The following ACOXL variants were observed in gnomAD, a reference collection of about 807,000 sequenced individuals.
The protein encoded by ACOXL is acyl-CoA oxidase like, also known as acyl-coenzyme A oxidase-like protein.
Under a neutral mutation model 71.9 loss-of-function variants are expected in ACOXL, and 70 were observed. The ratio of observed to expected loss-of-function variants is 0.97; its 90% CI spans 0.80 to 1.19. The LOEUF (loss-of-function observed/expected upper bound fraction) is 1.19, where lower values mean the gene tolerates loss of function less well. Among genes scored for constraint, ACOXL ranks in the 50% most tolerant of loss-of-function variants. ACOXL has a pLI of 0.00. For synonymous variants in ACOXL, 253 were observed against 281.6 expected (o/e 0.90, Z 1.02); for missense variants, 703 against 736.3 (o/e 0.95, Z 0.52).
intron 15 of ACOXL, among the ~76,000 whole-genome samples, chr2:111,040,560 C>T (rs2065733202): frequency 6.6e-6 from 1 of 152,164 alleles, no homozygotes; most frequent in Non-Finnish European, 1.5e-5. Context: ...CCAAGGAGCA[C>T]TGGTGAGAAC....
rs190059411 is a variant in ACOXL at position 110,867,757 on chromosome 2, A to C, written c.788+26352A>C. On this transcript the variant is annotated intron_variant, in intron 10 of 17. Coordinates refer to ENST00000439055, the MANE Select transcript of ACOXL (RefSeq NM_001142807.4). ...TAGCAAAAAGTTGACATGAAAAAGC[A>C]ACTCAAAAATTGCTTTTTTTTTTGA... Among the ~76,000 whole-genome samples, 4 of 152,232 alleles carry C rather than the reference A, an allele frequency of 2.6e-5. No individual in the cohort carries two copies. The East Asian group carries it at 7.7e-4, about 29-fold the overall frequency.
intron 10 of ACOXL, among the ~76,000 whole-genome samples, chr2:110,884,182 C>T (rs1697022307): frequency 6.6e-6 from 1 of 152,086 alleles, no homozygotes; most frequent in Non-Finnish European, 1.5e-5. Context: ...TGGCAAAACC[C>T]AAATGTTTTT....
At chr2:111,090,691 C>T (rs750595571) in intron 16 of ACOXL, among the ~76,000 whole-genome samples, 1 of 152,158 alleles carries the variant, frequency 6.6e-6, no homozygotes, top group Admixed American at 6.5e-5. Flanking sequence ...CTGGGAATGC[C>T]GGCCAGTTAG....
At chr2:110,927,258 G>A (rs115710901) in intron 11 of ACOXL, among the ~76,000 whole-genome samples, 4,995 of 152,094 alleles carry the variant, frequency 0.033, 144 homozygotes, top group Middle Eastern at 0.048. Flanking sequence ...ATCACCTCTC[G>A]CCAGGCCCCT....
intron 14 of ACOXL, among the ~76,000 whole-genome samples, chr2:110,997,345 G>C (rs1245808905): frequency 3.7e-5 from 4 of 107,824 alleles, no homozygotes; most frequent in Admixed American, 2.6e-4. Context: ...TTATGCTAAC[G>C]GAAAAAAAAG....
chr2:110,852,367 G>A (rs1255330596), intron 10 of ACOXL, among the ~76,000 whole-genome samples: 3 of 152,130 alleles, frequency 2.0e-5, no homozygotes, highest in Admixed American at 2.0e-4. Context: ...CTGGCTCCCT[G>A]GCTCATATTC....
At chr2:110,806,752 G>A (rs936322249) in intron 9 of ACOXL, among the ~76,000 whole-genome samples, 1 of 152,146 alleles carries the variant, frequency 6.6e-6, no homozygotes, top group African/African-American at 2.4e-5. Flanking sequence ...GGTGGTCAGC[G>A]GCCAGGCAGG....
chr2:110,833,586 C>T (rs905957457), intron 9 of ACOXL, among the ~76,000 whole-genome samples: 1 of 152,070 alleles, frequency 6.6e-6, no homozygotes, highest in Non-Finnish European at 1.5e-5. Flanking sequence ...AAAGGGTACC[C>T]GGGATCTCTC....
intron 15 of ACOXL, among the ~76,000 whole-genome samples, chr2:111,034,725 C>A (rs10194898): frequency 0.036 from 5,442 of 152,216 alleles, 271 homozygotes; most frequent in East Asian, 0.11. Flanking sequence ...AAACATAACA[C>A]TAGCCAGTAA....
At chr2:110,980,375 G>T (rs2062650202) in intron 12 of ACOXL, among the ~76,000 whole-genome samples, 3 of 152,362 alleles carry the variant, frequency 2.0e-5, no homozygotes, top group Admixed American at 1.3e-4. Flanking sequence ...AGGTAGGAGA[G>T]CGAAAATGTG....
intron 10 of ACOXL, among the ~76,000 whole-genome samples, chr2:110,872,521 A>G (rs1026239436): frequency 6.6e-6 from 1 of 152,232 alleles, no homozygotes; most frequent in African/African-American, 2.4e-5. Flanking sequence ...GCCAGAGACC[A>G]TTCTTGCTGG....
chr2:111,001,914 T>C (rs529575719), intron 14 of ACOXL, among the ~76,000 whole-genome samples: 1 of 152,324 alleles, frequency 6.6e-6, no homozygotes, highest in African/African-American at 2.4e-5. Context: ...TGGGCTATGA[T>C]GGCCAAGCTC....
chr2:110,781,653 A>G (rs994630761), intron 2 of ACOXL, among the ~76,000 whole-genome samples: 6 of 151,602 alleles, frequency 4.0e-5, no homozygotes, highest in Non-Finnish European at 8.8e-5. Flanking sequence ...AAATAAATAA[A>G]TAAATAAATA....
At chr2:110,995,219 G>T (rs1574422899) in intron 13 of ACOXL, among the ~76,000 whole-genome samples, 1 of 151,758 alleles carries the variant, frequency 6.6e-6, no homozygotes, top group South Asian at 2.1e-4. Flanking sequence ...TATAATGGGG[G>T]CCAGGCACAG....
At chr2:110,862,496 C>CAG (rs908029023) in intron 10 of ACOXL, among the ~76,000 whole-genome samples, 3 of 151,922 alleles carry the variant, frequency 2.0e-5, no homozygotes, top group East Asian at 1.9e-4. Context: ...TAAAAAGAAA[C>CAG]AGAGAGAGAG....
chr2:111,050,266 A>G (rs1186511509), intron 16 of ACOXL, among the ~76,000 whole-genome samples: 1 of 152,170 alleles, frequency 6.6e-6, no homozygotes, highest in Non-Finnish European at 1.5e-5. Context: ...GGTCTTTAAA[A>G]AAAAAAAAGC....
At chr2:111,063,466 A>G (rs1228270121) in intron 16 of ACOXL, among the ~76,000 whole-genome samples, 3 of 152,194 alleles carry the variant, frequency 2.0e-5, no homozygotes, top group South Asian at 2.1e-4. Context: ...GGCTGGTTCA[A>G]TTTTTACAAA....
intron 10 of ACOXL, among the ~76,000 whole-genome samples, chr2:110,849,528 C>G (rs374881432): frequency 1.5e-4 from 23 of 152,174 alleles, no homozygotes; most frequent in African/African-American, 5.3e-4. Context: ...GAGGCTGAGG[C>G]AGGTGGATCA....
intron 16 of ACOXL, among the ~76,000 whole-genome samples, chr2:111,083,885 A>T (rs75336175): frequency 0.08 from 12,248 of 152,252 alleles, 607 homozygotes; most frequent in Non-Finnish European, 0.11. Flanking sequence ...AATGAGGTGG[A>T]TATAAAATAC....
Sources: allele counts gnomAD v4.1 joint callset (sites outside exome capture counted in the v4.1 genomes callset), GRCh38; gene constraint gnomAD v4.1.1; transcripts MANE v1.5; gene names NCBI Gene and HGNC (gene_info 2026-07-23, HGNC 2026-07-21).